Variants in AGGF1 observed in about 807,000 individuals in gnomAD.
AGGF1 encodes angiogenic factor with G patch and FHA domains 1.
In AGGF1, 56 loss-of-function variants were observed where a neutral mutation model predicts 86.5. That is an observed-to-expected ratio of 0.65 (90% confidence interval 0.52 to 0.81). The LOEUF (loss-of-function observed/expected upper bound fraction) is 0.81. AGGF1 is among the 30% of genes least tolerant of loss of function. The pLI is 0.00. For missense variants in AGGF1, 816 were observed against 850.9 expected (o/e 0.96, Z 0.51); for synonymous variants, 313 against 297.1 (o/e 1.05, Z -0.55).
At chr5:77,047,812 C>T (rs1747298642) in intron 6 of AGGF1, among the ~76,000 whole-genome samples, 1 of 144,154 alleles carries the variant, frequency 6.9e-6, no homozygotes, top group African/African-American at 2.6e-5. Flanking sequence ...ACCACTGTGC[C>T]TGGCCTTTTT....
chr5:77,041,016 C>G (rs1259873933), intron 5 of AGGF1, among the ~76,000 whole-genome samples: 1 of 152,222 alleles, frequency 6.6e-6, no homozygotes, highest in Non-Finnish European at 1.5e-5. Context: ...GCGTGAGCCA[C>G]TGTGCCAGCC....
chr5:77,057,210 T>TA (rs1443319692), intron 11 of AGGF1, among the ~76,000 whole-genome samples: 1 of 152,200 alleles, frequency 6.6e-6, no homozygotes, highest in East Asian at 1.9e-4. Context: ...AAGTTAAACA[T>TA]ACACCTATTT....
chr5:77,048,640 A>ACGCCT (rs1747315877), intron 7 of AGGF1, among the ~76,000 whole-genome samples: 1 of 152,202 alleles, frequency 6.6e-6, no homozygotes, highest in Non-Finnish European at 1.5e-5. Context: ...ATAAGCTGCC[A>ACGCCT]CGCCTGGCCA....
intron 3 of AGGF1, chr5:77,035,987 C>T: frequency 7.0e-6 from 3 of 425,730 alleles, no homozygotes; most frequent in Middle Eastern, 6.6e-4. Context: ...TAAACTAAAA[C>T]AAAATTTGTC....
At chr5:77,038,203 G>C (rs1471095976) in intron 4 of AGGF1, among the ~76,000 whole-genome samples, 1 of 152,124 alleles carries the variant, frequency 6.6e-6, no homozygotes, top group Non-Finnish European at 1.5e-5. Flanking sequence ...CTTTCATGGG[G>C]GTTGCTAATT....
At position 77,036,476 on chromosome 5, in the gene AGGF1, C is replaced by T. The variant is rs1240166359; in HGVS notation, c.517-80C>T. The stretch of plus-strand genomic sequence containing the variant: ...ATTGAAGTCGTTACTTAAACATAGT[C>T]TCAGGTCTTGAGTTCAGCCAACTTT... On this transcript the variant is annotated intron_variant, in intron 3 of 13. Transcript: ENST00000312916. 4 of 1,413,828 alleles carry T rather than the reference C, an allele frequency of 2.8e-6. No homozygotes were observed. In the Admixed American group the frequency reaches 5.2e-5, roughly 18 times the overall value. 87.6% of individuals were successfully genotyped at this position (1,413,828 alleles called of 1,614,324 possible). A position where few individuals can be genotyped will look rare whatever the true frequency, so the allele number is the denominator to read the frequency against.
At chr5:77,053,522 A>G (rs769541855) in intron 9 of AGGF1, among the ~76,000 whole-genome samples, 1 of 152,238 alleles carries the variant, frequency 6.6e-6, no homozygotes, top group Non-Finnish European at 1.5e-5. Flanking sequence ...GTCTCAAAAA[A>G]AGAAAAAATA....
intron 11 of AGGF1, among the ~76,000 whole-genome samples, chr5:77,059,117 AT>A (rs141928089): frequency 0.038 from 5,749 of 152,074 alleles, 152 homozygotes; most frequent in Non-Finnish European, 0.058. Flanking sequence ...GGGGAGATAG[AT>A]TTTTTTCCCC....
At chr5:77,058,797 A>C (rs980678574) in intron 11 of AGGF1, among the ~76,000 whole-genome samples, 2 of 152,102 alleles carry the variant, frequency 1.3e-5, no homozygotes, top group Non-Finnish European at 2.9e-5. Flanking sequence ...TGAATTGACT[A>C]CCCCTTCTTT....
In AGGF1 at chr5:77,050,306, CTTTTTTTT is replaced by C. The variant is rs10595061; in HGVS notation, c.1365+1341_1365+1348del. ...GGTGGCTTTTTCTTTTTCTTTGTTT[CTTTTTTTT>C]TTTTTTTTTTTTTTTTTTTTTATAG... On this transcript the variant is annotated intron_variant, in intron 8 of 13. Coordinates refer to ENST00000312916, the MANE Select transcript of AGGF1 (RefSeq NM_018046.5). 8.6e-3 allele frequency among the ~76,000 whole-genome samples: 662 copies of C among 76,558 alleles called. 3 individuals are homozygous for C. Among genetic ancestry groups the C allele is most frequent in the Non-Finnish European group, 0.012 (525 of 44,142 alleles). The allele number at this position is 76,558 out of a possible 152,430, so 50.2% of individuals were successfully genotyped here.
At chr5:77,053,533 T>C (rs536486281) in intron 9 of AGGF1, among the ~76,000 whole-genome samples, 1 of 151,908 alleles carries the variant, frequency 6.6e-6, no homozygotes, top group African/African-American at 2.4e-5. Context: ...AGAAAAAATA[T>C]AGGAAGGCGG....
intron 2 of AGGF1, among the ~76,000 whole-genome samples, chr5:77,034,909 C>T (rs1048449844): frequency 6.6e-6 from 1 of 152,172 alleles, no homozygotes; most frequent in African/African-American, 2.4e-5. Context: ...GGTGAGCCCA[C>T]CACCATGGCC....
chr5:77,048,822 A>AT, intron 7 of AGGF1, 114 bp from the exon 8 acceptor site: 1 of 1,003,270 alleles, frequency 1.0e-6, no homozygotes, highest in Non-Finnish European at 1.6e-6. Context: ...TAACCAGGAG[A>AT]TTTACTGTTG....
At chr5:77,031,419 A>G (rs1347844859) in intron 1 of AGGF1, among the ~76,000 whole-genome samples, 1 of 152,238 alleles carries the variant, frequency 6.6e-6, no homozygotes, top group Non-Finnish European at 1.5e-5. Context: ...GAAGTAAAAC[A>G]AACAATTTTA....
chr5:77,032,266 A>AAAG (rs1746875659), intron 1 of AGGF1, among the ~76,000 whole-genome samples: 1 of 150,348 alleles, frequency 6.7e-6, no homozygotes, highest in African/African-American at 2.4e-5. Flanking sequence ...AAAAAAAAAA[A>AAAG]AAAAAAAACA....
At position 77,046,644 on chromosome 5, in the gene AGGF1, G is replaced by A. The variant is rs1354887493; in HGVS notation, c.1168G>A (p.Gly390Ser). The change falls in exon 6 of 14, where the codon GGC becomes AGC. Residue 390 changes from glycine (G) to serine (S), a missense_variant. By Grantham distance (56) the Gly-to-Ser change is moderately conservative. Transcript: ENST00000312916. ...TTATGACGAAGCCATTACCAGTGAA[G>A]GCAATGTAACTGCAGAAGATAGTGA... ...DSYDEAITSE[G>S]NVTAEDSEDE... The A allele has an allele frequency of 6.2e-7, 1 of 1,613,978 alleles. No individual in the cohort carries two copies. The highest frequency in any genetic ancestry group is 1.1e-5 in the South Asian group (1 of 91,056).
chr5:77,051,541 A>C (rs1179836216), intron 8 of AGGF1, among the ~76,000 whole-genome samples: 2 of 152,224 alleles, frequency 1.3e-5, no homozygotes, highest in Non-Finnish European at 2.9e-5. Flanking sequence ...AAATTTTGGC[A>C]ACATCAAGTT....
chr5:77,043,493 C>T (rs1443117462), intron 5 of AGGF1, among the ~76,000 whole-genome samples: 78 of 140,080 alleles, frequency 5.6e-4, no homozygotes, highest in African/African-American at 1.8e-3. Context: ...GGGCTGACCC[C>T]CCCACCTCCC....
chr5:77,030,716 C>T lies in AGGF1; in HGVS notation c.-51C>T, dbSNP rs1423130453. The T allele has an allele frequency of 1.3e-6, 2 of 1,535,296 alleles. No individual in the cohort carries two copies. Among genetic ancestry groups the T allele is most frequent in the South Asian group, 2.4e-5 (2 of 84,080 alleles). On this transcript the variant is annotated 5_prime_UTR_variant, in exon 1 of 14. Coordinates refer to ENST00000312916, the MANE Select transcript of AGGF1 (RefSeq NM_018046.5). ...TCTCTGGGTCCGCCGGCGTCCGTTTCGGCCTGAACGCAGCCCCTCCGCGGC... is the reference window on the plus strand; with the variant it reads ...TCTCTGGGTCCGCCGGCGTCCGTTTTGGCCTGAACGCAGCCCCTCCGCGGC...
Sources: allele counts gnomAD v4.1 joint callset (sites outside exome capture counted in the v4.1 genomes callset), GRCh38; gene constraint gnomAD v4.1.1; transcripts MANE v1.5; gene names NCBI Gene and HGNC (gene_info 2026-07-23, HGNC 2026-07-21).